The following AACS variants were observed in gnomAD, a reference collection of about 807,000 sequenced individuals.
AACS encodes the protein acetoacetate-CoA ligase.
AACS carries 69 observed loss-of-function variants against 83.1 expected under a neutral mutation model. The observed-to-expected ratio is 0.83, with a 90% confidence interval of 0.68 to 1.01. The LOEUF (loss-of-function observed/expected upper bound fraction) is 1.01, where lower values mean the gene tolerates loss of function less well. Among genes scored for constraint, AACS ranks in the 50% least tolerant of loss-of-function variants. The pLI, the probability that AACS is intolerant of heterozygous loss-of-function variation, is 0.00. For missense variants in AACS, 866 were observed against 882.2 expected (o/e 0.98, Z 0.23); for synonymous variants, 333 against 343.4 (o/e 0.97, Z 0.33).
chr12:125,099,213 ATCTC>A (rs373163304), intron 5 of AACS, among the ~76,000 whole-genome samples: 34 of 152,050 alleles, frequency 2.2e-4, no homozygotes, highest in African/African-American at 7.7e-4. Context: ...TTGGTCTGTA[ATCTC>A]TCTCTCTTTT....
chr12:125,126,872 C>CAAA (rs1957252900), intron 12 of AACS: 1 of 152,074 alleles, frequency 6.6e-6, no homozygotes. Flanking sequence ...CATGAGCCAC[C>CAAA]GTGCCTGGCC....
At chr12:125,086,243 A>T in intron 3 of AACS, 87 bp from the exon 4 acceptor site, 1 of 1,144,514 alleles carries the variant, frequency 8.7e-7, no homozygotes, top group Non-Finnish European at 1.3e-6. Context: ...CTGCATTGAA[A>T]CAGGTGGGAT....
In AACS at chr12:125,097,912, G is replaced by A. The variant is rs1231798112; in HGVS notation, c.571-4767G>A. Among the ~76,000 whole-genome samples, 2 of 152,300 alleles carry A rather than the reference G, an allele frequency of 1.3e-5. No individual in the cohort carries two copies. Among genetic ancestry groups the A allele is most frequent in the South Asian group, 2.1e-4 (1 of 4,830 alleles). On this transcript the variant is annotated intron_variant, in intron 5 of 17. Transcript: ENST00000316519. This position sits in a 1 kb window ranked among gnomAD's most constrained non-coding sequence, Gnocchi z 4.3. ...TCCTCCTTCATACGTTTGATTGAGC[G>A]GTTCCTCGGTTCCTCTGTGACCCCG...
At chr12:125,080,085 C>T (rs139131969) in intron 3 of AACS, among the ~76,000 whole-genome samples, 12 of 152,332 alleles carry the variant, frequency 7.9e-5, no homozygotes, top group African/African-American at 2.4e-4. Flanking sequence ...GACCACATTT[C>T]GTTGATCCCT....
intron 3 of AACS, 26 bp from the exon 4 acceptor site, chr12:125,086,304 A>G (rs754299252): frequency 3.1e-6 from 5 of 1,607,178 alleles, no homozygotes; most frequent in Non-Finnish European, 4.3e-6. Flanking sequence ...TGGTCTGTGT[A>G]CAATTTACCC....
chr12:125,141,910 G>C (rs1212403649), intron 17 of AACS, among the ~76,000 whole-genome samples, 182 bp from the exon 18 acceptor site: 1 of 152,030 alleles, frequency 6.6e-6, no homozygotes, highest in Non-Finnish European at 1.5e-5. Flanking sequence ...ACAGTGGTCA[G>C]TTCACCGTAC....
intron 5 of AACS, chr12:125,101,837 G>C (rs1304114232): frequency 5.6e-5 from 8 of 143,644 alleles, no homozygotes; most frequent in African/African-American, 2.1e-4. Context: ...CACTATCTTG[G>C]TTCACTGCAA....
intron 7 of AACS, 49 bp from the exon 8 acceptor site, chr12:125,107,072 C>T (rs771451812): frequency 1.2e-6 from 2 of 1,612,036 alleles, no homozygotes; most frequent in Non-Finnish European, 1.7e-6. Flanking sequence ...GGGTCCGGTC[C>T]AGCATTCTGG....
rs1956630535 is a variant in AACS, at chr12:125,097,362, G to A, written c.571-5317G>A. 6.6e-6 allele frequency among the ~76,000 whole-genome samples: 1 copy of A among 151,938 alleles called. No individual in the cohort carries two copies. The highest frequency in any genetic ancestry group is 1.5e-5 in the Non-Finnish European group (1 of 68,006). ...AAGGCCTGATGTCCTGAGGCCAGGG[G>A]CCAAGTCCCTGTTACCTGTATGTCC... On this transcript the variant is annotated intron_variant, in intron 5 of 17. Coordinates refer to ENST00000316519, the MANE Select transcript of AACS (RefSeq NM_023928.5). The surrounding 1 kb of genome is among the most constrained non-coding windows in gnomAD (Gnocchi z 4.3).
rs909341271 is a variant in AACS, at chr12:125,113,625, C to A, written c.916-852C>A. 5.3e-5 allele frequency among the ~76,000 whole-genome samples: 8 copies of A among 152,192 alleles called. No homozygotes were observed. Among genetic ancestry groups the A allele is most frequent in the Non-Finnish European group, 1.0e-4 (7 of 68,042 alleles). On this transcript the variant is annotated intron_variant, in intron 8 of 17. Transcript: ENST00000316519. The surrounding 1 kb of genome is among the most constrained non-coding windows in gnomAD (Gnocchi z 4.8). ...TAAACAGACATGAGGGAGCTCCCGGCATGCCAAGGAAGAGCTCCCAGGTGT... is the reference window on the plus strand; with the variant it reads ...TAAACAGACATGAGGGAGCTCCCGGAATGCCAAGGAAGAGCTCCCAGGTGT...
chr12:125,134,334 C>G (rs1031987647), intron 15 of AACS, among the ~76,000 whole-genome samples: 1 of 152,208 alleles, frequency 6.6e-6, no homozygotes, highest in Non-Finnish European at 1.5e-5. Flanking sequence ...TCTGAGGAAG[C>G]ATTGTCTGCT....
intron 12 of AACS, among the ~76,000 whole-genome samples, chr12:125,125,427 C>T (rs78306184): frequency 0.041 from 6,306 of 152,254 alleles, 257 homozygotes; most frequent in African/African-American, 0.1. Flanking sequence ...CAGCACCCTG[C>T]CCCACCCTGC....
chr12:125,084,047 G>A (rs544234083), intron 3 of AACS, among the ~76,000 whole-genome samples: 3 of 152,138 alleles, frequency 2.0e-5, no homozygotes, highest in Non-Finnish European at 4.4e-5. Flanking sequence ...TCACCTTCTG[G>A]CTGGGTGCGG....
At chr12:125,092,315 G>A (rs924044082) in intron 5 of AACS, among the ~76,000 whole-genome samples, 22 of 152,260 alleles carry the variant, frequency 1.4e-4, no homozygotes, top group Non-Finnish European at 2.6e-4. Context: ...TGTGCCGTCC[G>A]TCAGTCAGCA....
At chr12:125,090,941 C>T (rs1190356926) in intron 4 of AACS, 1 of 184,050 alleles carries the variant, frequency 5.4e-6, no homozygotes, top group African/African-American at 2.3e-5. Context: ...TTGCAGGTAA[C>T]TAGTTGGGGG....
chr12:125,102,351 C>T (rs1592973830), intron 5 of AACS: 3 of 276,702 alleles, frequency 1.1e-5, no homozygotes, highest in East Asian at 1.8e-4. Context: ...CGCCCGGCCT[C>T]ATCGACTTTC....
chr12:125,090,084 A>G (rs1452302331), intron 4 of AACS, among the ~76,000 whole-genome samples: 2 of 149,528 alleles, frequency 1.3e-5, no homozygotes, highest in Non-Finnish European at 3.0e-5. Flanking sequence ...CCACTCATCT[A>G]TCCTCCACCC....
Position 125,094,445 on chromosome 12 carries a change from G to A in AACS, c.570+2922G>A, listed in dbSNP as rs950150342. On this transcript the variant is annotated intron_variant, in intron 5 of 17. Transcript: ENST00000316519. This position sits in a 1 kb window ranked among gnomAD's most constrained non-coding sequence, Gnocchi z 4.1. ...TGGTCTCTGTTGATGGAGTCGCACC[G>A]TTGGACTCGTGGGTTCACACGCCTG... Among the ~76,000 whole-genome samples, 2 of 152,202 alleles carry A rather than the reference G, an allele frequency of 1.3e-5. No homozygotes were observed. The highest frequency in any genetic ancestry group is 6.5e-5 in the Admixed American group (1 of 15,280).
intron 2 of AACS, 42 bp downstream of exon 2, chr12:125,074,021 C>T (rs747519843): frequency 5.9e-6 from 9 of 1,514,970 alleles, no homozygotes; most frequent in African/African-American, 4.1e-5. Flanking sequence ...TTTTTGTGGT[C>T]GTGCTTCAAA....
Sources: gnomAD v4.1 joint callset for allele counts (sites outside exome capture counted in the v4.1 genomes callset) on GRCh38, gnomAD v4.1.1 for gene constraint, Gnocchi (gnomAD v3.1) non-coding constraint, MANE v1.5 for transcripts, NCBI Gene and HGNC (gene_info 2026-07-23, HGNC 2026-07-21) for gene names.